PAXIP1: variants seen among roughly 807,000 people sequenced by gnomAD.
PAXIP1 encodes the protein PAX-interacting protein 1.
A neutral mutation model predicts 140.6 loss-of-function variants in PAXIP1; 19 were observed. The ratio of observed to expected loss-of-function variants is 0.14; its 90% CI spans 0.09 to 0.20. PAXIP1 has a LOEUF of 0.20. PAXIP1 is among the 10% of genes least tolerant of loss of function. The probability of loss-of-function intolerance (pLI) is 1.00; values close to 1 mark genes in which losing one functional copy is unlikely to be tolerated. For missense variants in PAXIP1, 920 were observed against 1,208.6 expected (o/e 0.76, Z 3.54); for synonymous variants, 442 against 444.6 (o/e 0.99, Z 0.07).
chr7:154,957,198 G>A (rs3817480), intron 14 of PAXIP1, 26 bp downstream of exon 14: 818,395 of 1,396,338 alleles, frequency 0.59, 241,688 homozygotes, highest in Admixed American at 0.7. Flanking sequence ...AGCCAGCAAT[G>A]AAAAATTTAA....
At chr7:154,997,445 T>A (rs752690058) in intron 2 of PAXIP1, among the ~76,000 whole-genome samples, 1 of 152,190 alleles carries the variant, frequency 6.6e-6, no homozygotes, top group Non-Finnish European at 1.5e-5. Flanking sequence ...CCTAACACTG[T>A]TATTGTTAAA....
intron 3 of PAXIP1, 92 bp downstream of exon 3, chr7:154,993,634 G>T: frequency 2.1e-6 from 2 of 936,838 alleles, no homozygotes. Flanking sequence ...CCTAACGAAT[G>T]AATCCACTTT....
chr7:154,986,226 T>A lies in PAXIP1; in HGVS notation c.325-2894A>T, dbSNP rs1810062850. On this transcript the variant is annotated intron_variant, in intron 4 of 20. Transcript: ENST00000404141. The surrounding 1 kb of genome is among the most constrained non-coding windows in gnomAD (Gnocchi z 4.8). ...GTCACTGAGAACCACCAAGAAACAG[T>A]CCTTTTGTAAAGCTGGGGTCCTGCC... 3.1e-6 allele frequency: 4 copies of A among 1,308,598 alleles called. No homozygotes were observed. The highest frequency in any genetic ancestry group is 3.1e-5 in the African/African-American group (2 of 65,506). 81.1% of individuals were successfully genotyped at this position (1,308,598 alleles called of 1,614,324 possible). A position where few individuals can be genotyped will look rare whatever the true frequency, so the allele number is the denominator to read the frequency against.
Position 154,968,634 on chromosome 7 carries a change from G to C in PAXIP1, c.1567C>G (p.Leu523Val), listed in dbSNP as rs901813984. 1.4e-6 allele frequency: 1 copy of C among 714,816 alleles called. No homozygotes were observed. The allele number at this position is 714,816 out of a possible 1,614,324, so 44.3% of individuals were successfully genotyped here. A position where few individuals can be genotyped will look rare whatever the true frequency, so the allele number is the denominator to read the frequency against. Residue 523 changes from leucine to valine, a missense_variant, in exon 7 of 21, where the codon CTG (leucine) becomes GTG (valine). Around this residue, in one of 5 missense-constraint regions of PAXIP1, gnomAD observed 133 missense variants for 88.4 expected, o/e 1.50. Transcript: ENST00000404141. ...TGCTGTTGCTGCTGCTGCTGGAGCA[G>C]GCTGTGCTGCTGCTGGAGCTGGGCA... ...QLAQLQQQHSLLQQQQQQQIQ... is the reference protein window; with the variant it reads ...QLAQLQQQHSVLQQQQQQQIQ...
intron 11 of PAXIP1, 29 bp downstream of exon 11, chr7:154,961,498 A>T (rs542637239): frequency 1.3e-6 from 2 of 1,552,324 alleles, no homozygotes; most frequent in Admixed American, 1.9e-5. Flanking sequence ...TAAATTTATG[A>T]TTAAAAACAG....
intron 1 of PAXIP1, chr7:155,002,166 T>C (rs1810936397): frequency 6.6e-6 from 1 of 152,280 alleles, no homozygotes; most frequent in African/African-American, 2.4e-5. Flanking sequence ...CACAATATCC[T>C]TTGGCGTGAG....
chr7:154,998,823 A>G (rs773174704), intron 1 of PAXIP1, 39 bp from the exon 2 acceptor site: 16 of 1,564,296 alleles, frequency 1.0e-5, no homozygotes, highest in Middle Eastern at 1.7e-4. Flanking sequence ...AAAATGGGCA[A>G]TACTGTACTG....
At chr7:154,974,738 C>T (rs1809488238) in intron 6 of PAXIP1, 2 of 152,160 alleles carry the variant, frequency 1.3e-5, no homozygotes, top group African/African-American at 4.8e-5. Context: ...GTCTTCTCTA[C>T]CTAAATTAGT....
chr7:154,945,992 T>C (rs546977207), intron 20 of PAXIP1: 6 of 984,960 alleles, frequency 6.1e-6, no homozygotes, highest in Non-Finnish European at 7.2e-6. Flanking sequence ...AAAGACTATA[T>C]ACGAACTAAA....
In PAXIP1 at chr7:154,946,648, C is replaced by G. The variant is rs553823627; in HGVS notation, c.3057+31G>C. ...CGCTGAATGTGATACAGGGCAATGA[C>G]GGACTCGCTGGCGGACTCCACTCTA... On this transcript the variant is annotated intron_variant, in intron 18 of 20. Coordinates refer to ENST00000404141, the MANE Select transcript of PAXIP1 (RefSeq NM_007349.4). The surrounding 1 kb of genome is among the most constrained non-coding windows in gnomAD (Gnocchi z 4.9). 2 of 1,613,488 alleles carry G rather than the reference C, an allele frequency of 1.2e-6. No homozygotes were observed. The highest frequency in any genetic ancestry group is 1.1e-5 in the South Asian group (1 of 91,048).
intron 1 of PAXIP1, among the ~76,000 whole-genome samples, chr7:155,002,388 G>A (rs949244211): frequency 9.2e-5 from 14 of 152,096 alleles, no homozygotes; most frequent in African/African-American, 3.4e-4. Context: ...ACCCCCGCCG[G>A]CCGAGCGAGG....
rs1188416628 is a variant in PAXIP1, at chr7:155,003,006, G to A, written c.-77C>T. 4.7e-4 allele frequency: 244 copies of A among 523,620 alleles called. No homozygotes were observed. In the African/African-American group the frequency reaches 6.5e-3, roughly 14 times the overall value. 32.4% of individuals were successfully genotyped at this position (523,620 alleles called of 1,614,324 possible). A position where few individuals can be genotyped will look rare whatever the true frequency, so the allele number is the denominator to read the frequency against. ...CCGCCCCCGGCCCCCGCGGCGCCCG[G>A]CGCCCCCACTCGCCCCGCCAACGGC... On this transcript the variant is annotated 5_prime_UTR_variant, in exon 1 of 21. Transcript: ENST00000404141.
At chr7:154,945,796 T>C in intron 20 of PAXIP1, 1 of 984,786 alleles carries the variant, frequency 1.0e-6, no homozygotes, top group Non-Finnish European at 1.2e-6. Flanking sequence ...TTCAGAGATT[T>C]TTAATAAGGA....
intron 6 of PAXIP1, among the ~76,000 whole-genome samples, chr7:154,975,202 C>T (rs1480331247): frequency 6.7e-6 from 1 of 149,672 alleles, no homozygotes; most frequent in Admixed American, 6.6e-5. Context: ...CAACCAGCAA[C>T]AAAACTTAAG....
chr7:154,985,926 C>T (rs1426566595), intron 4 of PAXIP1: 4 of 998,584 alleles, frequency 4.0e-6, no homozygotes, highest in East Asian at 5.7e-5. Flanking sequence ...GATTGAGATA[C>T]AGAATGGAAA....
chr7:154,969,114 G>A lies in PAXIP1; in HGVS notation c.1087C>T (p.Leu363Phe), dbSNP rs762308654. ...PSNVAHILQT[L>F]SAPTKNLEQQ... ...TCTAAATTTTTCGTAGGTGCTGAAAGAGTCTGTAAGATCTACAAAACAAAA... is the reference window on the plus strand; with the variant it reads ...TCTAAATTTTTCGTAGGTGCTGAAAAAGTCTGTAAGATCTACAAAACAAAA... The change falls in exon 7 of 21, where the codon CTT becomes TTT. Residue 363 changes from leucine to phenylalanine, a missense_variant. Leu to Phe is a conservative substitution (Grantham distance 22, BLOSUM62 0). This residue lies in a region of PAXIP1 where 419 missense variants were observed against 514.7 expected (regional missense o/e 0.81). Transcript: ENST00000404141. 111 of 1,467,466 alleles carry A rather than the reference G, an allele frequency of 7.6e-5. No individual in the cohort carries two copies. The highest frequency in any genetic ancestry group is 8.7e-5 in the Non-Finnish European group (96 of 1,106,128). 90.9% of individuals were successfully genotyped at this position (1,467,466 alleles called of 1,614,324 possible).
Position 154,996,183 on chromosome 7 carries a change from C to CA in PAXIP1, c.217-2415dup, listed in dbSNP as rs201528876. Among the ~76,000 whole-genome samples, 1,463 of 152,212 alleles carry CA rather than the reference C, an allele frequency of 9.6e-3. 26 individuals are homozygous for CA. Among genetic ancestry groups the CA allele is most frequent in the African/African-American group, 0.033 (1,360 of 41,530 alleles). ...CAAAATAAGACAGGCCCATAAGGTT[C>CA]AAACTAAGAATATCAGGATCTACTT... On this transcript the variant is annotated intron_variant, in intron 2 of 20. Transcript: ENST00000404141.
At chr7:154,949,129 A>G (rs999746024) in intron 16 of PAXIP1, 2 of 152,166 alleles carry the variant, frequency 1.3e-5, no homozygotes, top group South Asian at 2.1e-4. Flanking sequence ...CTCAAACCCA[A>G]TAATATATAC....
intron 5 of PAXIP1, among the ~76,000 whole-genome samples, chr7:154,982,733 C>T (rs1308396003): frequency 6.6e-6 from 1 of 152,184 alleles, no homozygotes; most frequent in East Asian, 1.9e-4. Context: ...AAAATCCATA[C>T]AGCCACACCA....
Sources: gnomAD v4.1 joint callset for allele counts (sites outside exome capture counted in the v4.1 genomes callset) on GRCh38, gnomAD v4.1.1 for gene constraint, gnomAD v4.1.1 regional missense constraint, Gnocchi (gnomAD v3.1) non-coding constraint, MANE v1.5 for transcripts, NCBI Gene and HGNC (gene_info 2026-07-23, HGNC 2026-07-21) for gene names.